Variants in MICAL3 observed in about 807,000 individuals in gnomAD.
MICAL3 encodes the protein microtubule associated monooxygenase, calponin and LIM domain containing 3.
Under a neutral mutation model 207.4 loss-of-function variants are expected in MICAL3, and 62 were observed. That is an observed-to-expected ratio of 0.30 (90% CI 0.24 to 0.37). The LOEUF is 0.37. MICAL3 is among the 10% of genes least tolerant of loss of function. The pLI, the probability that MICAL3 is intolerant of heterozygous loss-of-function variation, is 1.00. For synonymous variants in MICAL3, 1,077 were observed against 1,069.3 expected, an observed-to-expected ratio of 1.01 and a Z score of -0.14; for missense variants, 2,368 against 2,635.6, an observed-to-expected ratio of 0.90 and a Z score of 2.22.
chr22:17,957,708 CAAAAA>C (rs374917425), intron 1 of MICAL3, among the ~76,000 whole-genome samples: 1 of 106,314 alleles, frequency 9.4e-6, no homozygotes, highest in African/African-American at 3.6e-5. Flanking sequence ...GAAACTATGT[CAAAAA>C]AAAAAAAAAA....
chr22:17,847,783 T>C (rs886264446), intron 19 of MICAL3, among the ~76,000 whole-genome samples: 2 of 152,248 alleles, frequency 1.3e-5, no homozygotes, highest in South Asian at 2.1e-4. Context: ...ATTTTCGCTG[T>C]GACTCTGAAG....
intron 20 of MICAL3, among the ~76,000 whole-genome samples, chr22:17,836,502 G>A (rs932376904): frequency 1.3e-5 from 2 of 152,310 alleles, no homozygotes; most frequent in East Asian, 3.9e-4. Flanking sequence ...AGTAGCCTCT[G>A]TCAGGGTGGC....
In MICAL3 at chr22:17,787,926, G is replaced by A. The variant is rs2061800225; in HGVS notation, c.*2806C>T. The stretch of plus-strand genomic sequence containing the variant: ...GGGAGCGCCTCCGGCCTGCCCTCCA[G>A]GGAAGCTGCATGTGGACCTCCACGG... On this transcript the variant is annotated 3_prime_UTR_variant, in exon 32 of 32. Coordinates refer to ENST00000441493, the MANE Select transcript of MICAL3 (RefSeq NM_015241.3). 1 of 152,268 alleles carries A rather than the reference G, an allele frequency of 6.6e-6. No individual in the cohort carries two copies. The highest frequency in any genetic ancestry group is 2.4e-5 in the African/African-American group (1 of 41,466). 9.4% of individuals were successfully genotyped at this position (152,268 alleles called of 1,614,324 possible).
intron 1 of MICAL3, among the ~76,000 whole-genome samples, chr22:17,941,382 A>G (rs1244805274): frequency 6.6e-6 from 1 of 152,250 alleles, no homozygotes; most frequent in Admixed American, 6.5e-5. Flanking sequence ...GATCTTGAGC[A>G]CATCCCCATT....
intron 1 of MICAL3, among the ~76,000 whole-genome samples, chr22:17,916,175 G>T (rs147546329): frequency 1.3e-5 from 2 of 151,058 alleles, no homozygotes; most frequent in East Asian, 3.9e-4. Flanking sequence ...GCATTCTTCC[G>T]CAAGTTTCTA....
At chr22:17,940,955 C>G (rs1933778463) in intron 1 of MICAL3, among the ~76,000 whole-genome samples, 1 of 152,162 alleles carries the variant, frequency 6.6e-6, no homozygotes, top group Non-Finnish European at 1.5e-5. Context: ...CCACTCCTCC[C>G]CAACCTACCC....
chr22:17,801,157 T>TCG (rs1408485229), intron 29 of MICAL3, among the ~76,000 whole-genome samples: 29 of 99,742 alleles, frequency 2.9e-4, no homozygotes, highest in African/African-American at 1.5e-3. Context: ...TCTTTTTTTT[T>TCG]TTTTTTTTTT....
chr22:17,818,853 C>T lies in MICAL3; in HGVS notation c.3808G>A (p.Ala1270Thr). ...GACTGGGTAGGGGATGGGACAGTGGCCTCGGTGGAAGGCTGGGGCTGGGAG... is the reference window on the plus strand; with the variant it reads ...GACTGGGTAGGGGATGGGACAGTGGTCTCGGTGGAAGGCTGGGGCTGGGAG... Reference protein sequence around the residue: ...ICSQPQPSTEATVPSPTQSPI... With the variant: ...ICSQPQPSTETTVPSPTQSPI... Residue 1270 changes from alanine to threonine, a missense_variant, in exon 26 of 32, where the codon GCC (alanine) becomes ACC (threonine). Around this residue, in one of 4 missense-constraint regions of MICAL3, gnomAD observed 1,770 missense variants for 1,863.2 expected, o/e 0.95. Transcript: ENST00000441493. 1.3e-6 allele frequency: 2 copies of T among 1,546,522 alleles called. No homozygotes were observed. Among genetic ancestry groups the T allele is most frequent in the Admixed American group, 1.9e-5 (1 of 52,712 alleles).
At chr22:17,894,007 C>CT in intron 10 of MICAL3, 103 bp from the exon 11 acceptor site, 1 of 818,926 alleles carries the variant, frequency 1.2e-6, no homozygotes. Flanking sequence ...GGATAGAAGG[C>CT]TGGGTAAAGT....
chr22:17,941,962 C>T (rs1483080339), intron 1 of MICAL3, among the ~76,000 whole-genome samples: 2 of 152,212 alleles, frequency 1.3e-5, no homozygotes, highest in Admixed American at 6.5e-5. Flanking sequence ...CACCTTCAAG[C>T]GGGCCTTCTC....
chr22:17,807,804 C>T (rs1284780261), intron 29 of MICAL3, among the ~76,000 whole-genome samples: 4 of 152,256 alleles, frequency 2.6e-5, no homozygotes, highest in African/African-American at 9.6e-5. Context: ...CTGGCCGCCT[C>T]CTCCCAGTTC....
At chr22:17,839,876 T>C (rs979712822) in intron 20 of MICAL3, 1 of 151,740 alleles carries the variant, frequency 6.6e-6, no homozygotes, top group Non-Finnish European at 1.5e-5. Flanking sequence ...CTCTTCACTT[T>C]TAAGAGACTG....
chr22:17,869,241 C>T (rs867623059), intron 17 of MICAL3, among the ~76,000 whole-genome samples: 5 of 152,176 alleles, frequency 3.3e-5, no homozygotes, highest in Admixed American at 6.5e-5. Context: ...TGCACGGCAG[C>T]GGCTAGGACA....
At chr22:17,827,250 T>C (rs925230882) in intron 22 of MICAL3, among the ~76,000 whole-genome samples, 1 of 151,898 alleles carries the variant, frequency 6.6e-6, no homozygotes, top group Middle Eastern at 3.2e-3. Context: ...CTTCCAAACA[T>C]GCCCCTCCCG....
chr22:18,023,455 A>T (rs1225147516), intron 1 of MICAL3, among the ~76,000 whole-genome samples: 1 of 152,160 alleles, frequency 6.6e-6, no homozygotes, highest in Non-Finnish European at 1.5e-5. Context: ...GAAAATTCTA[A>T]ATAGTTGATC....
At chr22:17,874,879 C>T (rs976549832) in intron 16 of MICAL3, among the ~76,000 whole-genome samples, 14 of 152,080 alleles carry the variant, frequency 9.2e-5, no homozygotes, top group Non-Finnish European at 1.9e-4. Context: ...TGCTACCATG[C>T]ACATAGGACG....
chr22:17,982,646 G>A (rs1202509412), intron 1 of MICAL3, among the ~76,000 whole-genome samples: 1 of 144,838 alleles, frequency 6.9e-6, no homozygotes, highest in African/African-American at 2.7e-5. Context: ...ACTCCAGCCT[G>A]GGCGACAGAG....
At position 17,885,969 on chromosome 22, in the gene MICAL3, C is replaced by T; in HGVS notation, c.2150G>A (p.Gly717Glu). ...CATGTACTTCACTTTGTTCTGGTTC[C>T]CAACGGCAACGTCCATCCTCCTGTC... The part of the protein sequence containing the change: ...LTDRRMDVAV[G>E]NQNKVKYMAT... The change falls in exon 16 of 32, where the codon GGG (glycine) becomes GAG (glutamate). Residue 717 changes from glycine to glutamate, a missense_variant. Gly to Glu is a moderately conservative substitution (Grantham distance 98). This residue lies in a region of MICAL3 where 1,770 missense variants were observed against 1,863.2 expected (regional missense o/e 0.95). Transcript: ENST00000441493. 1.2e-6 allele frequency: 2 copies of T among 1,614,026 alleles called. No homozygotes were observed. Among genetic ancestry groups the T allele is most frequent in the South Asian group, 1.1e-5 (1 of 91,084 alleles).
At chr22:17,923,377 C>T (rs1932843150) in intron 1 of MICAL3, among the ~76,000 whole-genome samples, 1 of 152,204 alleles carries the variant, frequency 6.6e-6, no homozygotes, top group Non-Finnish European at 1.5e-5. Flanking sequence ...ATTCCAACTG[C>T]TCTGGGCTCC....
Sources: gnomAD v4.1 joint callset for allele counts (sites outside exome capture counted in the v4.1 genomes callset) on GRCh38, gnomAD v4.1.1 for gene constraint, gnomAD v4.1.1 regional missense constraint, MANE v1.5 for transcripts, NCBI Gene and HGNC (gene_info 2026-07-23, HGNC 2026-07-21) for gene names.